GINS1: variants seen among roughly 807,000 people sequenced by gnomAD.
The protein encoded by GINS1 is DNA replication complex GINS protein PSF1.
Under a neutral mutation model 34.9 loss-of-function variants are expected in GINS1, and 26 were observed. That is an observed-to-expected ratio of 0.74 (90% CI 0.55 to 1.03). The LOEUF (loss-of-function observed/expected upper bound fraction) is 1.03, where lower values mean the gene tolerates loss of function less well. GINS1 is among the 50% of genes least tolerant of loss of function. The probability of loss-of-function intolerance (pLI) is 0.00; values close to 1 mark genes in which losing one functional copy is unlikely to be tolerated. For synonymous variants in GINS1, 97 were observed against 84.4 expected (o/e 1.15, Z -0.82); for missense variants, 235 against 237.9 (o/e 0.99, Z 0.08).
intron 6 of GINS1, among the ~76,000 whole-genome samples, chr20:25,443,277 GCAA>G (rs1486078867): frequency 3.3e-5 from 5 of 152,018 alleles, no homozygotes; most frequent in African/African-American, 9.7e-5. Flanking sequence ...AGTTGTTAAG[GCAA>G]CAATTTCTGT....
At chr20:25,421,244 T>C (rs1230344293) in intron 4 of GINS1, among the ~76,000 whole-genome samples, 1 of 152,218 alleles carries the variant, frequency 6.6e-6, no homozygotes, top group Non-Finnish European at 1.5e-5. Context: ...AAATAATGCA[T>C]ATTAAAATTT....
At chr20:25,438,759 C>T (rs555211511) in intron 5 of GINS1, among the ~76,000 whole-genome samples, 15 of 152,012 alleles carry the variant, frequency 9.9e-5, no homozygotes, top group African/African-American at 2.4e-4. Context: ...TTTTTTGTAC[C>T]GATGGTATTT....
At chr20:25,440,875 T>C (rs2146223051) in intron 5 of GINS1, among the ~76,000 whole-genome samples, 1 of 151,652 alleles carries the variant, frequency 6.6e-6, no homozygotes, top group East Asian at 1.9e-4. Flanking sequence ...GGGATTTTTC[T>C]GGAGTGGTAT....
Position 25,441,682 on chromosome 20 carries a change from T to A in GINS1, c.448-20T>A, listed in dbSNP as rs199881509. On this transcript the variant is annotated intron_variant, in intron 5 of 6. Transcript: ENST00000262460. The stretch of plus-strand genomic sequence containing the variant: ...ATTAAAAACTAATTTAGATAAAACA[T>A]CTCTCATTTTTTCTTTCAGGTCCGG... 3.9e-6 allele frequency: 5 copies of A among 1,289,430 alleles called. No homozygotes were observed. Among genetic ancestry groups the A allele is most frequent in the Admixed American group, 4.0e-5 (2 of 50,114 alleles). The allele number at this position is 1,289,430 out of a possible 1,614,324, so 79.9% of individuals were successfully genotyped here.
intron 5 of GINS1, among the ~76,000 whole-genome samples, chr20:25,434,588 G>A (rs2387885): frequency 0.62 from 93,871 of 151,932 alleles, 30,560 homozygotes; most frequent in African/African-American, 0.79. Context: ...CTATGACTAC[G>A]GGCATGCACT....
intron 1 of GINS1, chr20:25,408,920 G>A (rs1600913697): frequency 2.0e-6 from 2 of 983,384 alleles, no homozygotes; most frequent in African/African-American, 1.7e-5. Context: ...GCTGGAAGAT[G>A]GGCACAAAAA....
At chr20:25,439,342 T>G (rs1336744457) in intron 5 of GINS1, among the ~76,000 whole-genome samples, 1 of 152,184 alleles carries the variant, frequency 6.6e-6, no homozygotes, top group Non-Finnish European at 1.5e-5. Context: ...CAATGTTAAA[T>G]GACCCCAAAG....
rs150064174 is a variant in GINS1 at position 25,440,250 on chromosome 20, C to G, written c.448-1452C>G. Among the ~76,000 whole-genome samples, 179 of 152,034 alleles carry G rather than the reference C, an allele frequency of 1.2e-3. 1 individual carries two copies. Among genetic ancestry groups the G allele is most frequent in the African/African-American group, 4.1e-3 (171 of 41,524 alleles). On this transcript the variant is annotated intron_variant, in intron 5 of 6. Transcript: ENST00000262460. ...TCCTGACTTCAGGTGATCCACCTGC[C>G]TCAGCCTCCCAAAATGCTGGGATTA...
intron 1 of GINS1, chr20:25,411,095 TAGTG>T (rs2090282087): frequency 6.6e-6 from 1 of 152,118 alleles, no homozygotes; most frequent in Non-Finnish European, 1.5e-5. Flanking sequence ...CTGGGCAACA[TAGTG>T]AGACCCCATT....
chr20:25,410,915 C>T (rs1181823848), intron 1 of GINS1, among the ~76,000 whole-genome samples: 1 of 152,106 alleles, frequency 6.6e-6, no homozygotes, highest in African/African-American at 2.4e-5. Context: ...CTGTGTTCAG[C>T]AAACAGAAAA....
intron 4 of GINS1, among the ~76,000 whole-genome samples, chr20:25,422,272 T>C (rs529497287): frequency 6.6e-6 from 1 of 152,182 alleles, no homozygotes; most frequent in Admixed American, 6.6e-5. Flanking sequence ...ATCACTTCCT[T>C]ATTTTTAAAA....
At chr20:25,422,239 C>G (rs2090359886) in intron 4 of GINS1, among the ~76,000 whole-genome samples, 1 of 151,942 alleles carries the variant, frequency 6.6e-6, no homozygotes, top group South Asian at 2.1e-4. Flanking sequence ...TGATCACTAC[C>G]CTCCTGACTT....
chr20:25,416,252 A>C (rs1227517098), intron 2 of GINS1, among the ~76,000 whole-genome samples: 1 of 152,176 alleles, frequency 6.6e-6, no homozygotes, highest in Non-Finnish European at 1.5e-5. Context: ...GCCTTGGTTC[A>C]GTAAGGGAAT....
chr20:25,428,694 G>A (rs550747870), intron 5 of GINS1, among the ~76,000 whole-genome samples: 46 of 151,586 alleles, frequency 3.0e-4, no homozygotes, highest in South Asian at 1.3e-3. Context: ...GTGAGCCACC[G>A]CACCCGGCCT....
intron 3 of GINS1, 66 bp from the exon 4 acceptor site, chr20:25,418,039 C>A: frequency 1.2e-6 from 1 of 865,840 alleles, no homozygotes; most frequent in Non-Finnish European, 2.0e-6. Flanking sequence ...CATCAGGGGC[C>A]AAATGAAGTC....
At chr20:25,412,667 T>C (rs1030883224) in intron 1 of GINS1, among the ~76,000 whole-genome samples, 5 of 152,220 alleles carry the variant, frequency 3.3e-5, no homozygotes, top group Non-Finnish European at 7.3e-5. Context: ...TGATGTATAA[T>C]TTACATACAA....
At chr20:25,409,120 G>T in intron 1 of GINS1, 1 of 728,396 alleles carries the variant, frequency 1.4e-6, no homozygotes, top group Non-Finnish European at 1.7e-6. Flanking sequence ...AAGTCACGTG[G>T]TCACACTGGA....
rs1242815759 is a variant in GINS1, at chr20:25,407,680, G to A, written c.-141G>A. On this transcript the variant is annotated 5_prime_UTR_variant, in exon 1 of 7. Coordinates refer to ENST00000262460, the MANE Select transcript of GINS1 (RefSeq NM_021067.5). ...TTCCTATTGGCTAGCTTTGTTCGGC[G>A]CCAAAGCGCGGAGCGGAGGCCGAGG... The A allele has an allele frequency of 7.2e-6, 5 of 695,596 alleles. No individual in the cohort carries two copies. In the African/African-American group the frequency reaches 9.0e-5, roughly 12 times the overall value. 43.1% of individuals were successfully genotyped at this position (695,596 alleles called of 1,614,324 possible). A position where few individuals can be genotyped will look rare whatever the true frequency, so the allele number is the denominator to read the frequency against.
chr20:25,429,445 C>A (rs866609391), intron 5 of GINS1, among the ~76,000 whole-genome samples: 1 of 152,176 alleles, frequency 6.6e-6, no homozygotes, highest in Admixed American at 6.5e-5. Flanking sequence ...ATCTTCCAAT[C>A]CATGAACATG....
Sources: gnomAD v4.1 joint callset for allele counts (sites outside exome capture counted in the v4.1 genomes callset) on GRCh38, gnomAD v4.1.1 for gene constraint, MANE v1.5 for transcripts, NCBI Gene and HGNC (gene_info 2026-07-23, HGNC 2026-07-21) for gene names.